HADHB: variants seen among roughly 807,000 people sequenced by gnomAD.
HADHB encodes trifunctional enzyme subunit beta, mitochondrial.
In HADHB, 50 loss-of-function variants were observed where a neutral mutation model predicts 61.9. The ratio of observed to expected loss-of-function variants is 0.81; its 90% CI spans 0.64 to 1.02. The LOEUF (loss-of-function observed/expected upper bound fraction) is 1.02, where lower values mean the gene tolerates loss of function less well. Ranked by LOEUF, HADHB falls within the 50% of genes least tolerant of loss-of-function variation. HADHB has a pLI of 0.00. For missense variants in HADHB, 504 were observed against 586.5 expected (o/e 0.86, Z 1.45); for synonymous variants, 191 against 201.6 (o/e 0.95, Z 0.45).
At position 26,244,974 on chromosome 2, in the gene HADHB, C is replaced by T. The variant is rs528080532; in HGVS notation, c.-25C>T. On this transcript the variant is annotated 5_prime_UTR_variant, in exon 1 of 16. Coordinates refer to ENST00000317799, the MANE Select transcript of HADHB (RefSeq NM_000183.3). ...GAACCTTGCTCCGAGAGGGAGTCCTCGCGGACGTCAGCCAAGGTGAGACGG... is the reference window on the plus strand; with the variant it reads ...GAACCTTGCTCCGAGAGGGAGTCCTTGCGGACGTCAGCCAAGGTGAGACGG... 3 of 274,778 alleles carry T rather than the reference C, an allele frequency of 1.1e-5. No homozygotes were observed. Among genetic ancestry groups the T allele is most frequent in the African/African-American group, 4.3e-5 (2 of 46,434 alleles). 17.0% of individuals were successfully genotyped at this position (274,778 alleles called of 1,614,324 possible).
At chr2:26,279,111 C>T (rs1186301329) in intron 8 of HADHB, 24 bp from the exon 9 acceptor site, 4 of 1,595,392 alleles carry the variant, frequency 2.5e-6, no homozygotes, top group South Asian at 2.2e-5. Context: ...AGTGTACCTG[C>T]TCCTTGGATA....
chr2:26,245,910 C>G (rs35615763), intron 1 of HADHB, among the ~76,000 whole-genome samples: 26,979 of 152,108 alleles, frequency 0.18, 2,764 homozygotes, highest in Middle Eastern at 0.26. Flanking sequence ...CTGTGACAGA[C>G]CTAGCATTCA....
chr2:26,265,230 G>T (rs1430940932), intron 4 of HADHB, among the ~76,000 whole-genome samples: 1 of 152,094 alleles, frequency 6.6e-6, no homozygotes, highest in Non-Finnish European at 1.5e-5. Context: ...AAAGTTCTTG[G>T]CTAGGAAGAC....
chr2:26,249,917 C>T (rs1671334469), intron 1 of HADHB, among the ~76,000 whole-genome samples: 1 of 152,044 alleles, frequency 6.6e-6, no homozygotes, highest in Non-Finnish European at 1.5e-5. Flanking sequence ...GGATTCAATC[C>T]CATGTAAGCC....
intron 1 of HADHB, among the ~76,000 whole-genome samples, chr2:26,253,125 T>G (rs886342697): frequency 1.3e-5 from 2 of 152,212 alleles, no homozygotes; most frequent in Admixed American, 6.5e-5. Context: ...TCTGTGCCTA[T>G]TTGTCTGCTA....
intron 15 of HADHB, among the ~76,000 whole-genome samples, chr2:26,287,217 T>C (rs1363814224): frequency 6.6e-6 from 1 of 152,030 alleles, no homozygotes; most frequent in African/African-American, 2.4e-5. Context: ...ATAAAGTAAA[T>C]GAAATAAATC....
intron 3 of HADHB, among the ~76,000 whole-genome samples, chr2:26,257,652 C>T (rs1363016037): frequency 6.6e-6 from 1 of 151,922 alleles, no homozygotes; most frequent in Non-Finnish European, 1.5e-5. Context: ...GCCAAAGCAG[C>T]CCTAACTAAG....
chr2:26,289,242 G>A lies in HADHB; in HGVS notation c.1390-676G>A, dbSNP rs115896257. ...TCCAGCCTGGGCAACGGCGAGGCAC[G>A]GTCTCCAAAATAATAAATAAAAAAA... On this transcript the variant is annotated intron_variant, in intron 15 of 15. Transcript: ENST00000317799. Among the ~76,000 whole-genome samples, 446 of 152,000 alleles carry A rather than the reference G, an allele frequency of 2.9e-3. 2 individuals carry two copies. The highest frequency in any genetic ancestry group is 0.01 in the African/African-American group (418 of 41,434).
chr2:26,254,129 G>T, intron 1 of HADHB, 118 bp from the exon 2 acceptor site: 3 of 703,294 alleles, frequency 4.3e-6, no homozygotes, highest in Non-Finnish European at 7.8e-6. Flanking sequence ...TAGTTGATAA[G>T]ATTAAGTTTT....
rs6723272 is a variant in HADHB at position 26,278,135 on chromosome 2, G to A, written c.443-479G>A. 5.0e-3 allele frequency among the ~76,000 whole-genome samples: 760 copies of A among 152,294 alleles called. 4 individuals are homozygous for A. Among genetic ancestry groups the A allele is most frequent in the African/African-American group, 0.017 (706 of 41,552 alleles). On this transcript the variant is annotated intron_variant, in intron 7 of 15. Coordinates refer to ENST00000317799, the MANE Select transcript of HADHB (RefSeq NM_000183.3). ...ATGATGCCCGTGACTGGGGGCGTTCGCCACTCTAGGCAGCATGTGACCAAC... is the reference window on the plus strand; with the variant it reads ...ATGATGCCCGTGACTGGGGGCGTTCACCACTCTAGGCAGCATGTGACCAAC...
Position 26,254,307 on chromosome 2 carries a change from C to A in HADHB, c.53C>A (p.Ala18Asp). Residue 18 changes from alanine to aspartate, a missense_variant, in exon 2 of 16, where the codon GCC becomes GAC. Ala to Asp is a moderately radical substitution (Grantham distance 126, BLOSUM62 -2). Transcript: ENST00000317799. ...FKNLPTASKW[A>D]LRFSIRPLSC... The stretch of plus-strand genomic sequence containing the variant: ...AATCTTCCCACTGCATCAAAATGGG[C>A]CCTCAGATTTTGTAAGTTTATTATT... The A allele has an allele frequency of 6.5e-7, 1 of 1,544,554 alleles. No individual in the cohort carries two copies. Among genetic ancestry groups the A allele is most frequent in the Non-Finnish European group, 9.0e-7 (1 of 1,117,026 alleles).
At chr2:26,255,163 T>C (rs749459553) in intron 3 of HADHB, among the ~76,000 whole-genome samples, 1 of 152,182 alleles carries the variant, frequency 6.6e-6, no homozygotes, top group Non-Finnish European at 1.5e-5. Context: ...ATGCCTTTGA[T>C]TTTGGTTTTA....
chr2:26,262,602 T>C (rs1292348482), intron 3 of HADHB, among the ~76,000 whole-genome samples: 4 of 152,236 alleles, frequency 2.6e-5, no homozygotes, highest in Non-Finnish European at 5.9e-5. Flanking sequence ...TTTGCTTTTT[T>C]GAGATTAAAA....
At chr2:26,275,669 G>A (rs959634941) in intron 6 of HADHB, among the ~76,000 whole-genome samples, 1 of 152,236 alleles carries the variant, frequency 6.6e-6, no homozygotes, top group Non-Finnish European at 1.5e-5. Flanking sequence ...TACGTTGAGA[G>A]GCTGATGCAC....
At chr2:26,269,149 T>TA (rs35675939) in intron 4 of HADHB, among the ~76,000 whole-genome samples, 2,181 of 131,958 alleles carry the variant, frequency 0.017, 11 homozygotes, top group African/African-American at 0.032. Flanking sequence ...ACCTCCGTCT[T>TA]AAAAAAAAAA....
intron 3 of HADHB, chr2:26,261,051 G>A: frequency 6.8e-7 from 1 of 1,477,600 alleles, no homozygotes; most frequent in Non-Finnish European, 9.1e-7. Context: ...GCTCCTATAT[G>A]GATGGATCAT....
At chr2:26,253,866 A>T (rs1181078392) in intron 1 of HADHB, among the ~76,000 whole-genome samples, 2 of 144,504 alleles carry the variant, frequency 1.4e-5, no homozygotes, top group African/African-American at 2.6e-5. Context: ...AAAAATAAAT[A>T]AATAAATAAA....
chr2:26,264,895 C>A (rs1672012275), intron 4 of HADHB, among the ~76,000 whole-genome samples: 1 of 150,684 alleles, frequency 6.6e-6, no homozygotes, highest in East Asian at 2.0e-4. Context: ...GACACTAAGG[C>A]ATGAGAATCT....
intron 5 of HADHB, 91 bp downstream of exon 5, chr2:26,270,088 A>C: frequency 1.1e-6 from 1 of 879,594 alleles, no homozygotes. Context: ...TTCTTATTTT[A>C]GCCATCTGTA....
Sources: allele counts gnomAD v4.1 joint callset (sites outside exome capture counted in the v4.1 genomes callset), GRCh38; gene constraint gnomAD v4.1.1; transcripts MANE v1.5; gene names NCBI Gene and HGNC (gene_info 2026-07-23, HGNC 2026-07-21).